The following BPTF variants were observed in gnomAD, a reference collection of about 807,000 sequenced individuals.
BPTF encodes the protein bromodomain PHD finger transcription factor, also known as nucleosome-remodeling factor subunit BPTF.
Under a neutral mutation model 292.5 loss-of-function variants are expected in BPTF, and 18 were observed. That is an observed-to-expected ratio of 0.06 (90% confidence interval 0.04 to 0.09). The LOEUF is 0.09. Ranked by LOEUF, BPTF falls within the 10% of genes least tolerant of loss-of-function variation. BPTF has a pLI of 1.00. For missense variants in BPTF, 2,726 were observed against 3,498.7 expected, an observed-to-expected ratio of 0.78 and a Z score of 5.57; for synonymous variants, 1,225 against 1,251.9, an observed-to-expected ratio of 0.98 and a Z score of 0.45.
At chr17:67,838,316 G>T (rs553643648) in intron 1 of BPTF, among the ~76,000 whole-genome samples, 1 of 152,280 alleles carries the variant, frequency 6.6e-6, no homozygotes, top group South Asian at 2.1e-4. Flanking sequence ...AAAAGGCTTT[G>T]AGTTTTACAA....
chr17:67,927,471 A>G (rs1265148652), intron 15 of BPTF, among the ~76,000 whole-genome samples: 2 of 152,374 alleles, frequency 1.3e-5, no homozygotes, highest in East Asian at 1.9e-4. Context: ...TTGAATGTAT[A>G]ATAGAAGAAG....
intron 4 of BPTF, among the ~76,000 whole-genome samples, chr17:67,881,295 T>G: frequency 6.6e-6 from 1 of 152,108 alleles, no homozygotes. Context: ...TTAATACCTA[T>G]TCAGTTTCAA....
intron 1 of BPTF, among the ~76,000 whole-genome samples, chr17:67,827,568 T>C (rs2056204962): frequency 6.6e-6 from 1 of 152,192 alleles, no homozygotes; most frequent in Non-Finnish European, 1.5e-5. Context: ...CTTTAAAAAA[T>C]AAAGTTTATG....
intron 19 of BPTF, among the ~76,000 whole-genome samples, chr17:67,942,658 C>T (rs1555672494): frequency 6.6e-6 from 1 of 152,078 alleles, no homozygotes; most frequent in Non-Finnish European, 1.5e-5. Context: ...ATGTGAGCAC[C>T]AGAATACATG....
chr17:67,927,075 G>A (rs1236361597), intron 15 of BPTF, among the ~76,000 whole-genome samples: 4 of 152,166 alleles, frequency 2.6e-5, no homozygotes, highest in Non-Finnish European at 5.9e-5. Flanking sequence ...AAAATTGGAC[G>A]TGATGTCATA....
intron 19 of BPTF, among the ~76,000 whole-genome samples, chr17:67,943,935 G>A (rs562947242): frequency 6.6e-5 from 10 of 152,076 alleles, no homozygotes; most frequent in Non-Finnish European, 1.5e-4. Context: ...CTGACCATTG[G>A]GGGAGCTTGA....
Position 67,904,738 on chromosome 17 carries a change from G to A in BPTF, c.2710G>A (p.Gly904Arg). The A allele has an allele frequency of 6.2e-7, 1 of 1,613,194 alleles. No homozygotes were observed. Among genetic ancestry groups the A allele is most frequent in the Non-Finnish European group, 8.5e-7 (1 of 1,179,330 alleles). Residue 904 changes from glycine to arginine, a missense_variant, in exon 9 of 28, where the codon GGA (glycine) becomes AGA (arginine). Physicochemically the swap from Gly to Arg is moderately radical, Grantham distance 125. Coordinates refer to ENST00000306378, the MANE Select transcript of BPTF (RefSeq NM_182641.4). The stretch of plus-strand genomic sequence containing the variant: ...AAAAGGTGAAGAGTACAGAGTGACA[G>A]GATATGGTGGTTGGAGCTGGATTAG... ...KQKGEEYRVT[G>R]YGGWSWISKT...
At chr17:67,913,612 TATC>T (rs1008073046) in intron 11 of BPTF, among the ~76,000 whole-genome samples, 14 of 152,206 alleles carry the variant, frequency 9.2e-5, no homozygotes, top group African/African-American at 2.7e-4. Context: ...TCATAAAGCT[TATC>T]ATAATGTGAA....
At chr17:67,939,250 G>A (rs998695154) in intron 18 of BPTF, among the ~76,000 whole-genome samples, 3 of 152,078 alleles carry the variant, frequency 2.0e-5, no homozygotes, top group Admixed American at 2.0e-4. Context: ...GTCAAAATAA[G>A]TTTCATTTTA....
chr17:67,894,236 G>GAA, intron 7 of BPTF, 71 bp downstream of exon 7: 1 of 1,472,342 alleles, frequency 6.8e-7, no homozygotes. Flanking sequence ...TATTAATAAT[G>GAA]AAAGTTAATA....
At chr17:67,861,340 CTTT>C (rs568176532) in intron 2 of BPTF, among the ~76,000 whole-genome samples, 4 of 135,068 alleles carry the variant, frequency 3.0e-5, no homozygotes, top group Admixed American at 7.5e-5. Flanking sequence ...AAGATTTTTT[CTTT>C]TTTTTTTTTT....
rs1367542689 is a variant in BPTF, at chr17:67,849,776, A to G, written c.614-4164A>G. ...AACATGGGGAAACCCCTTCTATACT[A>G]AAAATACAAAAAAAATTAGCCGGGC... On this transcript the variant is annotated intron_variant, in intron 1 of 27. Transcript: ENST00000306378. Among the ~76,000 whole-genome samples the G allele has an allele frequency of 3.3e-5, 5 of 152,040 alleles. No homozygotes were observed. In the East Asian group the frequency reaches 9.6e-4, roughly 29 times the overall value.
intron 1 of BPTF, among the ~76,000 whole-genome samples, chr17:67,827,211 C>T (rs1297092331): frequency 6.6e-6 from 1 of 152,098 alleles, no homozygotes; most frequent in East Asian, 1.9e-4. Context: ...ACATAATTGC[C>T]GAAGATGAAC....
rs2055952493 is a variant in BPTF at position 67,825,921 on chromosome 17, C to T, written c.197C>T (p.Ser66Leu). The T allele has an allele frequency of 9.9e-7, 1 of 1,014,610 alleles. No individual in the cohort carries two copies. The highest frequency in any genetic ancestry group is 1.2e-6 in the Non-Finnish European group (1 of 850,784). 62.9% of individuals were successfully genotyped at this position (1,014,610 alleles called of 1,614,324 possible). The stretch of plus-strand genomic sequence containing the variant: ...GTGGCGCCCAAGACGCGGCTGAGCT[C>T]GCCCAGGGGGGGCAGCAGTAGCCGG... The part of the protein sequence containing the change: ...AEVAPKTRLS[S>L]PRGGSSSRRK... Residue 66 changes from serine to leucine, a missense_variant, in exon 1 of 28, where the codon TCG (serine) becomes TTG (leucine). Ser to Leu is a moderately radical substitution (Grantham distance 145, BLOSUM62 -2). Coordinates refer to ENST00000306378, the MANE Select transcript of BPTF (RefSeq NM_182641.4).
rs11376410 is a variant in BPTF, at chr17:67,979,169, C to CAAAAAAAAAAAA, written c.8727-3073_8727-3062dup. 1.3e-3 allele frequency among the ~76,000 whole-genome samples: 91 copies of CAAAAAAAAAAAA among 72,558 alleles called. 5 individuals are homozygous for CAAAAAAAAAAAA. The highest frequency in any genetic ancestry group is 7.3e-3 in the African/African-American group (91 of 12,494). The allele number at this position is 72,558 out of a possible 152,430, so 47.6% of individuals were successfully genotyped here. A position where few individuals can be genotyped will look rare whatever the true frequency, so the allele number is the denominator to read the frequency against. Reference sequence around the variant, plus strand: ...TGGAAGACACAACAAGACCCTGTCTCAAAAAAAAAAAAAAAAAAAAAGGCC... The same window carrying CAAAAAAAAAAAA: ...TGGAAGACACAACAAGACCCTGTCTCAAAAAAAAAAAAAAAAAAAAAAAAAAAAAAAAAGGCC... On this transcript the variant is annotated intron_variant, in intron 27 of 27. Coordinates refer to ENST00000306378, the MANE Select transcript of BPTF (RefSeq NM_182641.4).
chr17:67,980,690 GA>G (rs2070235379), intron 27 of BPTF, among the ~76,000 whole-genome samples: 1 of 152,160 alleles, frequency 6.6e-6, no homozygotes, highest in Non-Finnish European at 1.5e-5. Context: ...AAGACAAAGG[GA>G]ATTGGTAAAG....
At chr17:67,941,112 T>G (rs1165303026) in intron 19 of BPTF, among the ~76,000 whole-genome samples, 2 of 152,256 alleles carry the variant, frequency 1.3e-5, no homozygotes, top group African/African-American at 4.8e-5. Flanking sequence ...ATCTGTACCT[T>G]TGAAGAACAG....
At chr17:67,837,265 A>G (rs1258963951) in intron 1 of BPTF, among the ~76,000 whole-genome samples, 1 of 152,176 alleles carries the variant, frequency 6.6e-6, no homozygotes, top group Non-Finnish European at 1.5e-5. Context: ...ATGTACCTTT[A>G]GTCACTTAAG....
rs760275783 is a variant in BPTF at position 67,911,530 on chromosome 17, G to C, written c.3646G>C (p.Asp1216His). ...SKTKGNDFFI[D>H]DSKLASADDI... is the part of the protein sequence containing the mutation. ...AACAAAAGGAAATGATTTTTTCATC[G>C]ATGACTCTAAACTAGCCAGTGCAGA... The change falls in exon 11 of 28, where the codon GAT (aspartate) becomes CAT (histidine). Residue 1216 changes from aspartate to histidine, a missense_variant. Around this residue, in one of 22 missense-constraint regions of BPTF, gnomAD observed 713 missense variants for 714.9 expected, o/e 1.00. Coordinates refer to ENST00000306378, the MANE Select transcript of BPTF (RefSeq NM_182641.4). 1.2e-6 allele frequency: 2 copies of C among 1,613,122 alleles called. No homozygotes were observed. The highest frequency in any genetic ancestry group is 1.7e-6 in the Non-Finnish European group (2 of 1,179,778).
Sources: gnomAD v4.1 joint callset for allele counts (sites outside exome capture counted in the v4.1 genomes callset) on GRCh38, gnomAD v4.1.1 for gene constraint, gnomAD v4.1.1 regional missense constraint, MANE v1.5 for transcripts, NCBI Gene and HGNC (gene_info 2026-07-23, HGNC 2026-07-21) for gene names.